The following NCAM2 variants were observed in gnomAD, a reference collection of about 807,000 sequenced individuals.
NCAM2 encodes the protein N-CAM-2.
Under a neutral mutation model 98.1 loss-of-function variants are expected in NCAM2, and 30 were observed. That is an observed-to-expected ratio of 0.31 (90% CI 0.23 to 0.41). The LOEUF is 0.41. NCAM2 is among the 10% of genes least tolerant of loss of function. The probability of loss-of-function intolerance (pLI) is 1.00; values close to 1 mark genes in which losing one functional copy is unlikely to be tolerated. For synonymous variants in NCAM2, 368 were observed against 342.4 expected (o/e 1.07, Z -0.83); for missense variants, 867 against 1,005.8 (o/e 0.86, Z 1.87).
chr21:21,192,084 A>G lies in NCAM2; in HGVS notation c.56-88494A>G, dbSNP rs114498983. Among the ~76,000 whole-genome samples the G allele has an allele frequency of 1.8e-3, 271 of 152,138 alleles. 2 individuals are homozygous for G. Among genetic ancestry groups the G allele is most frequent in the African/African-American group, 6.1e-3 (255 of 41,524 alleles). ...TAAAAATACAAAAGATTATCCTGGC[A>G]TGGTGGCGCGCTGCTCTAATCCCAG... On this transcript the variant is annotated intron_variant, in intron 1 of 17. Coordinates refer to ENST00000400546, the MANE Select transcript of NCAM2 (RefSeq NM_004540.5).
intron 8 of NCAM2, among the ~76,000 whole-genome samples, chr21:21,342,492 C>T (rs1260928515): frequency 3.9e-5 from 6 of 152,150 alleles, no homozygotes; most frequent in Non-Finnish European, 7.4e-5. Flanking sequence ...GTTTTTGGAA[C>T]ATCTATATGA....
intron 5 of NCAM2, among the ~76,000 whole-genome samples, chr21:21,300,655 G>GT (rs1408435086): frequency 6.6e-6 from 1 of 151,932 alleles, no homozygotes; most frequent in Admixed American, 6.6e-5. Flanking sequence ...TAACCTTAAG[G>GT]TATACTGTAG....
intron 5 of NCAM2, among the ~76,000 whole-genome samples, chr21:21,309,111 A>G (rs898383790): frequency 1.3e-5 from 2 of 152,192 alleles, no homozygotes; most frequent in Non-Finnish European, 2.9e-5. Flanking sequence ...TGCCATCATA[A>G]TAACTGATTT....
rs2077229575 is a variant in NCAM2, at chr21:21,427,088, C to T, written c.1481-5020C>T. ...TGTGTAAAAAGAGCACAGTTAGTGT[C>T]TATGAACTATGCGTGCTGGGAGAGC... On this transcript the variant is annotated intron_variant, in intron 11 of 17. Transcript: ENST00000400546. Among the ~76,000 whole-genome samples, 7 of 152,082 alleles carry T rather than the reference C, an allele frequency of 4.6e-5. No individual in the cohort carries two copies. In the South Asian group the frequency reaches 1.5e-3, roughly 32 times the overall value.
rs184316774 is a variant in NCAM2, at chr21:21,352,633, A to G, written c.1044+14099A>G. Among the ~76,000 whole-genome samples, 89 of 151,900 alleles carry G rather than the reference A, an allele frequency of 5.9e-4. 1 individual carries two copies. In the East Asian group the frequency reaches 0.015, roughly 25 times the overall value. ...AGTTTCTGCATGTACAAATCAAGATATAAGACCTACCTGAAAAAGGGTTCT... is the reference window on the plus strand; with the variant it reads ...AGTTTCTGCATGTACAAATCAAGATGTAAGACCTACCTGAAAAAGGGTTCT... On this transcript the variant is annotated intron_variant, in intron 8 of 17. Transcript: ENST00000400546.
At chr21:21,391,635 C>CAACACTA (rs1230249957) in intron 9 of NCAM2, among the ~76,000 whole-genome samples, 1 of 152,070 alleles carries the variant, frequency 6.6e-6, no homozygotes, top group Non-Finnish European at 1.5e-5. Context: ...TACAGCTCAC[C>CAACACTA]AACACTAACA....
chr21:21,496,770 A>G (rs1224340063), intron 15 of NCAM2, among the ~76,000 whole-genome samples: 1 of 152,118 alleles, frequency 6.6e-6, no homozygotes, highest in Non-Finnish European at 1.5e-5. Flanking sequence ...TTTTTAATCC[A>G]TCCCGAGTTA....
rs1374294991 is a variant in NCAM2, at chr21:21,265,448, A to G, written c.56-15130A>G. Among the ~76,000 whole-genome samples, 27 of 5,668 alleles carry G rather than the reference A, an allele frequency of 4.8e-3. 3 individuals are homozygous for G. In the East Asian group the frequency reaches 0.38, roughly 79 times the overall value. The allele number at this position is 5,668 out of a possible 152,430, so 3.7% of individuals were successfully genotyped here. Reference sequence around the variant, plus strand: ...ATGTGTGTATATATATTATATATACACACATATATAATATATGTGTGTATA... The same window carrying G: ...ATGTGTGTATATATATTATATATACGCACATATATAATATATGTGTGTATA... On this transcript the variant is annotated intron_variant, in intron 1 of 17. Transcript: ENST00000400546.
At chr21:21,151,969 T>A (rs974401953) in intron 1 of NCAM2, among the ~76,000 whole-genome samples, 2 of 151,986 alleles carry the variant, frequency 1.3e-5, no homozygotes, top group African/African-American at 4.8e-5. Context: ...AATTAGAGAT[T>A]ATTAAGTTTC....
chr21:21,538,194 A>C lies in NCAM2; in HGVS notation c.*237A>C. On this transcript the variant is annotated 3_prime_UTR_variant, in exon 18 of 18. Coordinates refer to ENST00000400546, the MANE Select transcript of NCAM2 (RefSeq NM_004540.5). ...AATTTCAATATCAAGACTGACTGGC[A>C]CCAACACTTTGGTATTCAATTTGAT... The C allele has an allele frequency of 3.6e-6, 1 of 278,006 alleles. No individual in the cohort carries two copies. The highest frequency in any genetic ancestry group is 1.0e-3 in the Middle Eastern group (1 of 964). The allele number at this position is 278,006 out of a possible 1,614,324, so 17.2% of individuals were successfully genotyped here. A position where few individuals can be genotyped will look rare whatever the true frequency, so the allele number is the denominator to read the frequency against.
chr21:21,081,205 G>A (rs1327676792), intron 1 of NCAM2, among the ~76,000 whole-genome samples: 1 of 152,120 alleles, frequency 6.6e-6, no homozygotes, highest in Non-Finnish European at 1.5e-5. Flanking sequence ...ATGCTCCTAG[G>A]AGGTCATTTA....
chr21:21,315,514 T>A (rs895322061), intron 5 of NCAM2, among the ~76,000 whole-genome samples: 22 of 152,146 alleles, frequency 1.4e-4, no homozygotes, highest in Admixed American at 1.0e-3. Context: ...AATGGGAGAT[T>A]TTGCTCTTAG....
chr21:21,095,070 A>G (rs569285669), intron 1 of NCAM2, among the ~76,000 whole-genome samples: 1 of 151,874 alleles, frequency 6.6e-6, no homozygotes, highest in South Asian at 2.1e-4. Flanking sequence ...CTGCTGTCTT[A>G]CAGTGTCTTC....
At chr21:21,270,092 T>A (rs1456113301) in intron 1 of NCAM2, among the ~76,000 whole-genome samples, 1 of 152,214 alleles carries the variant, frequency 6.6e-6, no homozygotes, top group Non-Finnish European at 1.5e-5. Context: ...TAATTTAATT[T>A]AGTACTGCGT....
intron 1 of NCAM2, among the ~76,000 whole-genome samples, chr21:21,139,096 G>A (rs564660362): frequency 1.6e-4 from 24 of 152,302 alleles, no homozygotes; most frequent in African/African-American, 5.5e-4. Flanking sequence ...AGAGAATCCC[G>A]GATTCTCTGG....
At chr21:21,056,313 A>G (rs2065208151) in intron 1 of NCAM2, among the ~76,000 whole-genome samples, 1 of 152,132 alleles carries the variant, frequency 6.6e-6, no homozygotes, top group Admixed American at 6.6e-5. Context: ...TCCTATTGGA[A>G]TAAATGAGCA....
rs1173009233 is a variant in NCAM2 at position 21,451,005 on chromosome 21, A to T, written c.1655-15601A>T. On this transcript the variant is annotated intron_variant, in intron 12 of 17. Coordinates refer to ENST00000400546, the MANE Select transcript of NCAM2 (RefSeq NM_004540.5). ...ATATATTCCAAGCGTTTATATGAGA[A>T]TTCATGAGATTCATTTTTAGTGGAA... Among the ~76,000 whole-genome samples, 6 of 152,176 alleles carry T rather than the reference A, an allele frequency of 3.9e-5. No individual in the cohort carries two copies. The East Asian group carries it at 7.7e-4, about 20-fold the overall frequency.
At chr21:21,356,551 A>T (rs1018563822) in intron 8 of NCAM2, among the ~76,000 whole-genome samples, 2 of 152,178 alleles carry the variant, frequency 1.3e-5, no homozygotes, top group Non-Finnish European at 2.9e-5. Flanking sequence ...TTTATAAAAT[A>T]TAAGCAGTGA....
chr21:21,130,229 A>G lies in NCAM2; in HGVS notation c.55+131611A>G, dbSNP rs578006888. Among the ~76,000 whole-genome samples the G allele has an allele frequency of 2.0e-5, 3 of 152,334 alleles. No homozygotes were observed. In the South Asian group the frequency reaches 6.2e-4, roughly 32 times the overall value. ...TGCACTGTGGAATAGTGTTAACATTATAATTTGACATCATCTAGCAGTTGG... is the reference window on the plus strand; with the variant it reads ...TGCACTGTGGAATAGTGTTAACATTGTAATTTGACATCATCTAGCAGTTGG... On this transcript the variant is annotated intron_variant, in intron 1 of 17. Transcript: ENST00000400546.
Sources: allele counts gnomAD v4.1 joint callset (sites outside exome capture counted in the v4.1 genomes callset), GRCh38; gene constraint gnomAD v4.1.1; transcripts MANE v1.5; gene names NCBI Gene and HGNC (gene_info 2026-07-23, HGNC 2026-07-21).